PRKCA: variants seen among roughly 807,000 people sequenced by gnomAD.
PRKCA encodes the protein protein kinase C alpha, also known as protein kinase C alpha type.
A neutral mutation model predicts 87.0 loss-of-function variants in PRKCA; 27 were observed. That is an observed-to-expected ratio of 0.31 (90% CI 0.23 to 0.43). PRKCA has a LOEUF of 0.43. PRKCA is among the 20% of genes least tolerant of loss of function. The probability of loss-of-function intolerance (pLI) is 1.00; values close to 1 mark genes in which losing one functional copy is unlikely to be tolerated. For missense variants in PRKCA, 518 were observed against 852.3 expected, an observed-to-expected ratio of 0.61 and a Z score of 4.88; for synonymous variants, 329 against 311.1, an observed-to-expected ratio of 1.06 and a Z score of -0.61.
At chr17:66,373,826 C>A (rs1909250294) in intron 2 of PRKCA, among the ~76,000 whole-genome samples, 1 of 152,176 alleles carries the variant, frequency 6.6e-6, no homozygotes, top group African/African-American at 2.4e-5. Flanking sequence ...GTAACATCTT[C>A]AGTATTCAAG....
At position 66,806,099 on chromosome 17, in the gene PRKCA, A is replaced by C. The variant is rs910730317; in HGVS notation, c.*2062A>C. 1.3e-5 allele frequency: 2 copies of C among 152,280 alleles called. No individual in the cohort carries two copies. The highest frequency in any genetic ancestry group is 6.5e-5 in the Admixed American group (1 of 15,284). The allele number at this position is 152,280 out of a possible 1,614,324, so 9.4% of individuals were successfully genotyped here. ...CTGCTTTGGTGAGACACCCCCATGC[A>C]AGGTCCTCAGAGTAGCCGGGTTCTA... On this transcript the variant is annotated 3_prime_UTR_variant, in exon 17 of 17. Coordinates refer to ENST00000413366, the MANE Select transcript of PRKCA (RefSeq NM_002737.3).
intron 2 of PRKCA, among the ~76,000 whole-genome samples, chr17:66,414,511 C>T (rs186890290): frequency 6.6e-5 from 10 of 152,280 alleles, no homozygotes; most frequent in Admixed American, 5.9e-4. Flanking sequence ...TCAGGTATTT[C>T]CTTATAGCAA....
intron 3 of PRKCA, among the ~76,000 whole-genome samples, chr17:66,514,016 T>C (rs1339222467): frequency 6.6e-6 from 1 of 152,224 alleles, no homozygotes; most frequent in Non-Finnish European, 1.5e-5. Context: ...ACTTTTAGTA[T>C]AGTACACTAA....
At chr17:66,349,664 C>G (rs1475075751) in intron 2 of PRKCA, among the ~76,000 whole-genome samples, 3 of 152,098 alleles carry the variant, frequency 2.0e-5, no homozygotes, top group African/African-American at 7.2e-5. Context: ...TTGTCCAGGT[C>G]CTGTATTCTC....
At chr17:66,744,887 T>A (rs933532315) in intron 13 of PRKCA, among the ~76,000 whole-genome samples, 5 of 152,190 alleles carry the variant, frequency 3.3e-5, no homozygotes, top group African/African-American at 1.2e-4. Context: ...CCTGCATTCC[T>A]TGGTTCGTGG....
At chr17:66,452,613 T>C (rs947677807) in intron 2 of PRKCA, among the ~76,000 whole-genome samples, 5 of 152,218 alleles carry the variant, frequency 3.3e-5, no homozygotes, top group Non-Finnish European at 7.3e-5. Flanking sequence ...ATGCGGCCTC[T>C]GCACCTGTGA....
At chr17:66,347,941 C>CTTTTTTTTGTTTTTT (rs1907497065) in intron 2 of PRKCA, among the ~76,000 whole-genome samples, 1 of 56,440 alleles carries the variant, frequency 1.8e-5, no homozygotes. Flanking sequence ...AATTCTGAAC[C>CTTTTTTTTGTTTTTT]TTTTTTTTTT....
At chr17:66,409,579 T>G (rs891610847) in intron 2 of PRKCA, among the ~76,000 whole-genome samples, 1 of 152,244 alleles carries the variant, frequency 6.6e-6, no homozygotes, top group African/African-American at 2.4e-5. Flanking sequence ...GAAAATAGTC[T>G]TGTATTTTAG....
intron 13 of PRKCA, among the ~76,000 whole-genome samples, chr17:66,749,619 A>C (rs1169117735): frequency 1.3e-5 from 2 of 152,112 alleles, no homozygotes; most frequent in Non-Finnish European, 2.9e-5. Context: ...GCAGAATTTC[A>C]TCTGGTGTTG....
At chr17:66,381,542 A>C (rs1402182529) in intron 2 of PRKCA, among the ~76,000 whole-genome samples, 1 of 152,218 alleles carries the variant, frequency 6.6e-6, no homozygotes, top group Non-Finnish European at 1.5e-5. Context: ...GGATTGGACA[A>C]TCAAGGTTGT....
intron 13 of PRKCA, among the ~76,000 whole-genome samples, chr17:66,768,127 A>G (rs1974850150): frequency 6.6e-6 from 1 of 152,100 alleles, no homozygotes; most frequent in Admixed American, 6.5e-5. Context: ...TATTTTTAGT[A>G]GAGACAGAGT....
intron 2 of PRKCA, among the ~76,000 whole-genome samples, chr17:66,463,693 C>T (rs1914959092): frequency 6.6e-6 from 1 of 152,174 alleles, no homozygotes; most frequent in Non-Finnish European, 1.5e-5. Flanking sequence ...CTGTGCCCAG[C>T]TAGTTTGTTT....
At chr17:66,435,238 A>C (rs1913315747) in intron 2 of PRKCA, among the ~76,000 whole-genome samples, 1 of 152,204 alleles carries the variant, frequency 6.6e-6, no homozygotes, top group Non-Finnish European at 1.5e-5. Context: ...CTCTCTGTCC[A>C]ATGCCTTCCT....
chr17:66,408,793 C>G (rs1320238671), intron 2 of PRKCA, among the ~76,000 whole-genome samples: 1 of 152,008 alleles, frequency 6.6e-6, no homozygotes, highest in East Asian at 1.9e-4. Flanking sequence ...GTGGCTTGCA[C>G]CTGTAATCCC....
At chr17:66,616,921 C>T (rs1001663203) in intron 3 of PRKCA, among the ~76,000 whole-genome samples, 2 of 151,742 alleles carry the variant, frequency 1.3e-5, no homozygotes, top group South Asian at 2.1e-4. Context: ...TTGGTGGGAG[C>T]AGGAGCTCCA....
At position 66,712,406 on chromosome 17, in the gene PRKCA, C is replaced by A. The variant is rs79335760; in HGVS notation, c.919-20282C>A. On this transcript the variant is annotated intron_variant, in intron 8 of 16. Transcript: ENST00000413366. Reference sequence around the variant, plus strand: ...TTATTATGTTGAAAACTTTGTTATTCCAAAGAAACATCTGAATCACAGAGC... The same window carrying A: ...TTATTATGTTGAAAACTTTGTTATTACAAAGAAACATCTGAATCACAGAGC... 3.1e-3 allele frequency among the ~76,000 whole-genome samples: 470 copies of A among 152,212 alleles called. 5 individuals are homozygous for A. Among genetic ancestry groups the A allele is most frequent in the African/African-American group, 0.011 (447 of 41,522 alleles).
At chr17:66,409,106 G>T (rs1240582992) in intron 2 of PRKCA, among the ~76,000 whole-genome samples, 3 of 150,036 alleles carry the variant, frequency 2.0e-5, no homozygotes, top group Admixed American at 6.7e-5. Flanking sequence ...TAACTTTTTG[G>T]TAAGTTTTTG....
At chr17:66,486,671 G>A (rs1212379490) in intron 2 of PRKCA, among the ~76,000 whole-genome samples, 1 of 152,030 alleles carries the variant, frequency 6.6e-6, no homozygotes, top group Non-Finnish European at 1.5e-5. Context: ...CATCTCTCAT[G>A]GCTTGGTCCA....
chr17:66,674,888 C>A (rs1275982172), intron 5 of PRKCA, among the ~76,000 whole-genome samples: 4 of 152,178 alleles, frequency 2.6e-5, no homozygotes, highest in Non-Finnish European at 5.9e-5. Context: ...CTTGAGAAAT[C>A]AGTTACCTCC....
Sources: gnomAD v4.1 joint callset for allele counts (sites outside exome capture counted in the v4.1 genomes callset) on GRCh38, gnomAD v4.1.1 for gene constraint, MANE v1.5 for transcripts, NCBI Gene and HGNC (gene_info 2026-07-23, HGNC 2026-07-21) for gene names.